NRG3: variants seen among roughly 807,000 people sequenced by gnomAD.
The protein encoded by NRG3 is neuregulin 3, also known as pro-neuregulin-3, membrane-bound isoform.
In NRG3, 31 loss-of-function variants were observed where a neutral mutation model predicts 66.9. The ratio of observed to expected loss-of-function variants is 0.46; its 90% CI spans 0.35 to 0.63. The LOEUF is 0.63. Among genes scored for constraint, NRG3 ranks in the 20% least tolerant of loss-of-function variants. The probability of loss-of-function intolerance (pLI) is 0.00; values close to 1 mark genes in which losing one functional copy is unlikely to be tolerated. For synonymous variants in NRG3, 393 were observed against 359.4 expected (o/e 1.09, Z -1.06); for missense variants, 910 against 878.9 (o/e 1.04, Z -0.45).
chr10:82,594,414 T>G (rs1048785655), intron 2 of NRG3, among the ~76,000 whole-genome samples: 6 of 152,144 alleles, frequency 3.9e-5, no homozygotes, highest in African/African-American at 1.4e-4. Flanking sequence ...CATAACAAGT[T>G]TTGTAATTAT....
chr10:82,335,818 C>T (rs1350785544), intron 1 of NRG3, among the ~76,000 whole-genome samples: 1 of 152,118 alleles, frequency 6.6e-6, no homozygotes, highest in Admixed American at 6.6e-5. Flanking sequence ...ACATATCACA[C>T]TAAAGCACTG....
At chr10:82,335,425 T>C (rs1322427718) in intron 1 of NRG3, among the ~76,000 whole-genome samples, 1 of 152,212 alleles carries the variant, frequency 6.6e-6, no homozygotes, top group East Asian at 1.9e-4. Flanking sequence ...GCCATTTGTG[T>C]TGAGTTTTCT....
chr10:82,651,612 T>C (rs182308474), intron 2 of NRG3, among the ~76,000 whole-genome samples: 1 of 152,246 alleles, frequency 6.6e-6, no homozygotes, highest in Non-Finnish European at 1.5e-5. Context: ...CAGTCGTGAG[T>C]GTGCCATTGT....
intron 1 of NRG3, among the ~76,000 whole-genome samples, chr10:81,907,806 G>A (rs968354095): frequency 6.6e-6 from 1 of 152,122 alleles, no homozygotes; most frequent in African/African-American, 2.4e-5. Flanking sequence ...CAAAATTACA[G>A]ACTCCTTGAT....
Position 82,081,000 on chromosome 10 carries a change from T to G in NRG3, c.823+204837T>G, listed in dbSNP as rs376936009. On this transcript the variant is annotated intron_variant, in intron 1 of 8. Transcript: ENST00000372141. The stretch of plus-strand genomic sequence containing the variant: ...GAGTGTTCTGGGATCTGGTCCTCAC[T>G]GTCAGCTAAACTCTCCAAGTAATCG... Among the ~76,000 whole-genome samples, 5 of 152,204 alleles carry G rather than the reference T, an allele frequency of 3.3e-5. No individual in the cohort carries two copies. In the East Asian group the frequency reaches 7.7e-4, roughly 23 times the overall value.
At chr10:81,940,466 C>T (rs1174267869) in intron 1 of NRG3, among the ~76,000 whole-genome samples, 1 of 152,062 alleles carries the variant, frequency 6.6e-6, no homozygotes, top group Admixed American at 6.6e-5. Flanking sequence ...CTGCCTTAGC[C>T]TCCTAGGTAG....
chr10:82,772,632 C>A (rs1373359763), intron 3 of NRG3, among the ~76,000 whole-genome samples: 1 of 150,994 alleles, frequency 6.6e-6, no homozygotes, highest in African/African-American at 2.4e-5. Context: ...CTTCTGGGGT[C>A]ATCCATGTCG....
intron 1 of NRG3, among the ~76,000 whole-genome samples, chr10:82,110,415 G>A (rs2067317577): frequency 6.6e-6 from 1 of 152,082 alleles, no homozygotes; most frequent in African/African-American, 2.4e-5. Flanking sequence ...AGTGAGATCA[G>A]AAGCCATTGG....
intron 1 of NRG3, among the ~76,000 whole-genome samples, chr10:82,325,422 T>A (rs2081818456): frequency 6.6e-6 from 1 of 152,164 alleles, no homozygotes; most frequent in Non-Finnish European, 1.5e-5. Flanking sequence ...TTCTCTTTAT[T>A]CCTCAAATTT....
chr10:82,467,654 G>A (rs993075386), intron 2 of NRG3, among the ~76,000 whole-genome samples: 1 of 152,184 alleles, frequency 6.6e-6, no homozygotes, highest in Non-Finnish European at 1.5e-5. Context: ...GACAGGAATA[G>A]TAGGGCACTC....
intron 4 of NRG3, among the ~76,000 whole-genome samples, chr10:82,920,407 CA>C (rs2132058515): frequency 6.6e-6 from 1 of 152,130 alleles, no homozygotes; most frequent in South Asian, 2.1e-4. Context: ...GAGTTGGATA[CA>C]ACAGCATGAA....
At chr10:81,917,141 G>A (rs954650313) in intron 1 of NRG3, among the ~76,000 whole-genome samples, 1 of 152,158 alleles carries the variant, frequency 6.6e-6, no homozygotes, top group African/African-American at 2.4e-5. Flanking sequence ...TTGATTGCAT[G>A]TCTGATTTTA....
chr10:82,380,499 A>T (rs995298320), intron 2 of NRG3, among the ~76,000 whole-genome samples: 1 of 152,174 alleles, frequency 6.6e-6, no homozygotes, highest in Non-Finnish European at 1.5e-5. Context: ...GCAGCAATCC[A>T]GTAGAAATAC....
chr10:82,725,882 C>A (rs989080326), intron 2 of NRG3, among the ~76,000 whole-genome samples: 4 of 152,140 alleles, frequency 2.6e-5, no homozygotes, highest in African/African-American at 9.7e-5. Context: ...CTCCTGTGAA[C>A]TGAATTGTAC....
intron 1 of NRG3, among the ~76,000 whole-genome samples, chr10:82,342,233 A>G (rs763043464): frequency 1.4e-4 from 22 of 151,984 alleles, no homozygotes; most frequent in Non-Finnish European, 2.8e-4. Context: ...ATATGCAAGT[A>G]CAGATATCTT....
At chr10:82,011,211 C>T (rs1057385669) in intron 1 of NRG3, among the ~76,000 whole-genome samples, 1 of 152,132 alleles carries the variant, frequency 6.6e-6, no homozygotes, top group Non-Finnish European at 1.5e-5. Flanking sequence ...AAAGGAGAAG[C>T]AAGCCACGTC....
At chr10:82,805,491 G>T (rs1218528975) in intron 3 of NRG3, among the ~76,000 whole-genome samples, 1 of 151,738 alleles carries the variant, frequency 6.6e-6, no homozygotes, top group Non-Finnish European at 1.5e-5. Flanking sequence ...CTTCCCCTTT[G>T]TCAGCTTTGC....
chr10:82,601,788 T>C (rs1014895354), intron 2 of NRG3, among the ~76,000 whole-genome samples: 1 of 149,954 alleles, frequency 6.7e-6, no homozygotes, highest in Non-Finnish European at 1.5e-5. Flanking sequence ...GGCGGAAGGA[T>C]CACTTGAAGT....
At chr10:82,527,141 G>A in intron 2 of NRG3, among the ~76,000 whole-genome samples, 1 of 151,682 alleles carries the variant, frequency 6.6e-6, no homozygotes, top group Non-Finnish European at 1.5e-5. Flanking sequence ...CTACCAATAG[G>A]AGCATGGATA....
Sources: gnomAD v4.1 joint callset for allele counts (sites outside exome capture counted in the v4.1 genomes callset) on GRCh38, gnomAD v4.1.1 for gene constraint, MANE v1.5 for transcripts, NCBI Gene and HGNC (gene_info 2026-07-23, HGNC 2026-07-21) for gene names.